The following POR variants were observed in gnomAD, a reference collection of about 807,000 sequenced individuals.
POR encodes the protein NADPH--cytochrome P450 reductase.
Under a neutral mutation model 84.0 loss-of-function variants are expected in POR, and 56 were observed. The observed-to-expected ratio is 0.67, with a 90% CI of 0.54 to 0.83. The LOEUF is 0.83. Ranked by LOEUF, POR falls within the 40% of genes least tolerant of loss-of-function variation. The pLI is 0.00. For missense variants in POR, 938 were observed against 944.3 expected (o/e 0.99, Z 0.09); for synonymous variants, 414 against 400.5 (o/e 1.03, Z -0.40).
intron 7 of POR, 51 bp from the exon 8 acceptor site, chr7:75,982,173 G>C (rs1249129829): frequency 6.9e-7 from 1 of 1,452,090 alleles, no homozygotes; most frequent in East Asian, 2.4e-5. Context: ...CCTCCCTCTC[G>C]GGACTGACCC....
At chr7:75,953,444 A>G (rs1787542914) in intron 1 of POR, among the ~76,000 whole-genome samples, 1 of 152,028 alleles carries the variant, frequency 6.6e-6, no homozygotes, top group African/African-American at 2.4e-5. Flanking sequence ...TCATAGCCCA[A>G]GGTTTTAGGA....
intron 1 of POR, among the ~76,000 whole-genome samples, chr7:75,939,644 G>A (rs1261124363): frequency 1.4e-5 from 2 of 145,942 alleles, no homozygotes; most frequent in East Asian, 4.0e-4. Context: ...TCATTCTATC[G>A]CCCAGGCTGG....
At chr7:75,961,190 G>A (rs189902502) in intron 2 of POR, among the ~76,000 whole-genome samples, 178 of 150,848 alleles carry the variant, frequency 1.2e-3, no homozygotes, top group Non-Finnish European at 1.9e-3. Flanking sequence ...CTGAGATCAC[G>A]CTACTGCATT....
At chr7:75,964,452 C>CAT (rs1788086737) in intron 2 of POR, among the ~76,000 whole-genome samples, 1 of 151,126 alleles carries the variant, frequency 6.6e-6, no homozygotes, top group Non-Finnish European at 1.5e-5. Flanking sequence ...GGATTACAGG[C>CAT]GCCTGCCACC....
At chr7:75,952,859 C>A (rs1267020692) in intron 1 of POR, among the ~76,000 whole-genome samples, 1 of 151,366 alleles carries the variant, frequency 6.6e-6, no homozygotes, top group Non-Finnish European at 1.5e-5. Context: ...GGCAGAGGGG[C>A]TCCTAACATC....
At position 75,974,048 on chromosome 7, in the gene POR, A is replaced by C. The variant is rs551737653; in HGVS notation, c.237+1587A>C. 1.1e-4 allele frequency among the ~76,000 whole-genome samples: 17 copies of C among 152,254 alleles called. No individual in the cohort carries two copies. In the South Asian group the frequency reaches 3.5e-3, roughly 32 times the overall value. On this transcript the variant is annotated intron_variant, in intron 3 of 15. Coordinates refer to ENST00000461988, the MANE Select transcript of POR (RefSeq NM_000941.3). ...TCAAAGATCCTTCCATATCAATACA[A>C]AGATACTGCCATCATCTTAGCTGTA... is the stretch of plus-strand genomic sequence containing the variant.
At chr7:75,982,354 G>T in intron 8 of POR, 32 bp downstream of exon 8, 1 of 1,541,152 alleles carries the variant, frequency 6.5e-7, no homozygotes, top group Non-Finnish European at 8.9e-7. Context: ...TGGGGCAGAC[G>T]GCTCTATGGC....
chr7:75,934,820 G>A (rs1293934200), intron 1 of POR, among the ~76,000 whole-genome samples: 1 of 152,210 alleles, frequency 6.6e-6, no homozygotes, highest in Non-Finnish European at 1.5e-5. Context: ...TCAATGTGGT[G>A]GTGAGCCTGT....
intron 1 of POR, among the ~76,000 whole-genome samples, chr7:75,921,673 G>A (rs1806877474): frequency 6.6e-6 from 1 of 151,872 alleles, no homozygotes. Context: ...TCCCTACCAC[G>A]TTCCAAGATC....
At chr7:75,966,264 G>GC (rs1788178068) in intron 2 of POR, among the ~76,000 whole-genome samples, 2 of 152,162 alleles carry the variant, frequency 1.3e-5, no homozygotes, top group Admixed American at 1.3e-4. Flanking sequence ...GCTGTCTCCA[G>GC]CAGCTGCCCT....
At chr7:75,964,337 C>A (rs1474615584) in intron 2 of POR, among the ~76,000 whole-genome samples, 1 of 151,848 alleles carries the variant, frequency 6.6e-6, no homozygotes, top group Non-Finnish European at 1.5e-5. Flanking sequence ...GACTAAGTCT[C>A]GCTCCTGTCC....
At position 75,982,324 on chromosome 7, in the gene POR, T is replaced by G; in HGVS notation, c.830+2T>G. 1.2e-6 allele frequency: 2 copies of G among 1,609,552 alleles called. No individual in the cohort carries two copies. The highest frequency in any genetic ancestry group is 1.7e-6 in the Non-Finnish European group (2 of 1,178,034). On this transcript the variant is annotated splice_donor_variant, in intron 8 of 15. Coordinates refer to ENST00000461988, the MANE Select transcript of POR (RefSeq NM_000941.3). LOFTEE classifies it high-confidence loss of function. ...GAAGAGCTACGAGAACCAGAAGCCG[T>G]GAGTGGAGGGAGCGTGGCTTGGGGC...
chr7:75,950,571 A>G (rs1787369374), intron 1 of POR, among the ~76,000 whole-genome samples: 1 of 152,146 alleles, frequency 6.6e-6, no homozygotes, highest in Non-Finnish European at 1.5e-5. Flanking sequence ...ACTCTGTGGG[A>G]CAAGTCCTTC....
chr7:75,919,684 G>A (rs1209045253), intron 1 of POR, among the ~76,000 whole-genome samples: 3 of 152,040 alleles, frequency 2.0e-5, no homozygotes, highest in South Asian at 2.1e-4. Context: ...GAGCCACCGC[G>A]CCCAGCCCAG....
At chr7:75,981,298 G>A (rs1347604708) in intron 6 of POR, 126 bp downstream of exon 6, 1 of 1,392,518 alleles carries the variant, frequency 7.2e-7, no homozygotes, top group Non-Finnish European at 9.5e-7. Flanking sequence ...ACAGAGGGAA[G>A]GGGCTCTCCT....
At chr7:75,981,688 G>A in intron 7 of POR, 82 bp downstream of exon 7, 3 of 1,183,088 alleles carry the variant, frequency 2.5e-6, no homozygotes, top group Non-Finnish European at 3.6e-6. Flanking sequence ...AGGGCTGGCA[G>A]TGGGTCGCAG....
At chr7:75,972,276 G>A (rs1239284358) in intron 2 of POR, 137 bp from the exon 3 acceptor site, 8 of 780,590 alleles carry the variant, frequency 1.0e-5, no homozygotes, top group Admixed American at 4.3e-5. Context: ...GGAGTGGCAC[G>A]GGACAAAGCT....
chr7:75,943,905 C>T (rs782663745), intron 1 of POR: 1 of 470,956 alleles, frequency 2.1e-6, no homozygotes, highest in South Asian at 1.6e-5. Context: ...TTATTTCATA[C>T]CTGCAACATC....
intron 1 of POR, among the ~76,000 whole-genome samples, chr7:75,948,627 CA>C (rs1787282806): frequency 1.3e-5 from 2 of 152,338 alleles, no homozygotes; most frequent in East Asian, 3.9e-4. Context: ...ATTATAAAGG[CA>C]TTCCATAGTC....
Sources: gnomAD v4.1 joint callset for allele counts (sites outside exome capture counted in the v4.1 genomes callset) on GRCh38, gnomAD v4.1.1 for gene constraint, MANE v1.5 for transcripts, NCBI Gene and HGNC (gene_info 2026-07-23, HGNC 2026-07-21) for gene names.